The following FRMD4B variants were observed in gnomAD, a reference collection of about 807,000 sequenced individuals.
FRMD4B encodes FERM domain-containing protein 4B.
In FRMD4B, 74 loss-of-function variants were observed where a neutral mutation model predicts 141.5. The observed-to-expected ratio is 0.52, with a 90% confidence interval of 0.43 to 0.63. The LOEUF (loss-of-function observed/expected upper bound fraction) is 0.63. Among genes scored for constraint, FRMD4B ranks in the 30% least tolerant of loss-of-function variants. The probability of loss-of-function intolerance (pLI) is 0.00; values close to 1 mark genes in which losing one functional copy is unlikely to be tolerated. For missense variants in FRMD4B, 1,366 were observed against 1,253.4 expected (o/e 1.09, Z -1.36); for synonymous variants, 506 against 467.9 (o/e 1.08, Z -1.05).
chr3:69,180,576 C>G (rs1224751311), intron 21 of FRMD4B, among the ~76,000 whole-genome samples: 1 of 151,882 alleles, frequency 6.6e-6, no homozygotes, highest in Admixed American at 6.6e-5. Context: ...GCCTAGGCGA[C>G]AGAGTGAGAC....
chr3:69,417,467 T>G (rs1704888724), intron 2 of FRMD4B, among the ~76,000 whole-genome samples: 1 of 152,248 alleles, frequency 6.6e-6, no homozygotes, highest in Admixed American at 6.5e-5. Context: ...ATAGATAGAT[T>G]GCAAAATTTT....
At chr3:69,322,471 T>C (rs1702029734) in intron 1 of FRMD4B, among the ~76,000 whole-genome samples, 1 of 152,214 alleles carries the variant, frequency 6.6e-6, no homozygotes, top group Admixed American at 6.5e-5. Context: ...ATGATTCTCC[T>C]AGCTTCTAGC....
intron 7 of FRMD4B, among the ~76,000 whole-genome samples, chr3:69,236,288 G>C (rs1480853472): frequency 6.6e-6 from 1 of 151,360 alleles, no homozygotes; most frequent in African/African-American, 2.4e-5. Flanking sequence ...GAGTGCAGTG[G>C]CACAATCTCA....
At chr3:69,225,068 GA>G (rs138803362) in intron 7 of FRMD4B, among the ~76,000 whole-genome samples, 3,160 of 152,212 alleles carry the variant, frequency 0.021, 123 homozygotes, top group African/African-American at 0.073. Context: ...TGGTTATCAT[GA>G]AACCATTCAC....
At chr3:69,333,376 A>G (rs1306164579) in intron 1 of FRMD4B, among the ~76,000 whole-genome samples, 1 of 152,188 alleles carries the variant, frequency 6.6e-6, no homozygotes, top group Admixed American at 6.5e-5. Context: ...CGTGGTGCAG[A>G]CGGGGATGAA....
At chr3:69,427,887 C>A (rs1319249078) in intron 2 of FRMD4B, among the ~76,000 whole-genome samples, 1 of 151,752 alleles carries the variant, frequency 6.6e-6, no homozygotes, top group Non-Finnish European at 1.5e-5. Context: ...AACTCCTGAC[C>A]TCGAGTGATC....
At chr3:69,399,399 G>A (rs1704523270) in intron 2 of FRMD4B, among the ~76,000 whole-genome samples, 2 of 152,164 alleles carry the variant, frequency 1.3e-5, no homozygotes, top group Admixed American at 1.3e-4. Context: ...GGCAATCCTA[G>A]GCCACTGTCT....
At chr3:69,203,638 A>G (rs1349711646) in intron 11 of FRMD4B, among the ~76,000 whole-genome samples, 1 of 152,190 alleles carries the variant, frequency 6.6e-6, no homozygotes, top group Non-Finnish European at 1.5e-5. Flanking sequence ...AAGCTGCTTA[A>G]CTTTCCTGAA....
intron 1 of FRMD4B, among the ~76,000 whole-genome samples, chr3:69,433,788 G>C (rs1705216561): frequency 6.6e-6 from 1 of 152,182 alleles, no homozygotes; most frequent in Non-Finnish European, 1.5e-5. Flanking sequence ...GTTGGGCATG[G>C]ATAGTTATGG....
intron 1 of FRMD4B, chr3:69,472,561 CA>C (rs541377956): frequency 4.5e-6 from 1 of 222,396 alleles, no homozygotes; most frequent in Non-Finnish European, 9.2e-6. Context: ...GCCAATGCAC[CA>C]AAATGTTACA....
At chr3:69,278,608 T>C (rs2093629405) in intron 5 of FRMD4B, among the ~76,000 whole-genome samples, 1 of 151,424 alleles carries the variant, frequency 6.6e-6, no homozygotes, top group Non-Finnish European at 1.5e-5. Flanking sequence ...AAATTGCTTT[T>C]TTTTTTTTTG....
At chr3:69,490,730 T>A (rs1440032839) in intron 1 of FRMD4B, among the ~76,000 whole-genome samples, 2 of 152,198 alleles carry the variant, frequency 1.3e-5, no homozygotes, top group Non-Finnish European at 2.9e-5. Flanking sequence ...TGTATCTTCC[T>A]CACTAGATCA....
intron 5 of FRMD4B, among the ~76,000 whole-genome samples, chr3:69,286,454 T>C (rs544487505): frequency 1.0e-4 from 8 of 77,292 alleles, no homozygotes; most frequent in Admixed American, 7.2e-4. Context: ...GAAGGTAGAC[T>C]TGATAAGTTA....
At chr3:69,253,727 G>A (rs948877793) in intron 5 of FRMD4B, among the ~76,000 whole-genome samples, 1 of 152,116 alleles carries the variant, frequency 6.6e-6, no homozygotes, top group Non-Finnish European at 1.5e-5. Flanking sequence ...AAATGAAAAA[G>A]AAAGAAAATT....
chr3:69,496,133 T>C lies in FRMD4B; in HGVS notation c.-129+46073A>G, dbSNP rs117582907. Among the ~76,000 whole-genome samples, 749 of 152,316 alleles carry C rather than the reference T, an allele frequency of 4.9e-3. 21 individuals carry two copies. The highest frequency in any genetic ancestry group is 0.041 in the Admixed American group (633 of 15,298). ...ACCATTATTTGTAATGAAGACAAAT[T>C]AAATTTGTAAAATAGGAGTAGAAAA... On this transcript the variant is annotated intron_variant, in intron 1 of 5. Transcript: ENST00000459638.
intron 10 of FRMD4B, among the ~76,000 whole-genome samples, chr3:69,216,565 G>A (rs1332467484): frequency 6.6e-6 from 1 of 151,716 alleles, no homozygotes; most frequent in East Asian, 1.9e-4. Context: ...CTAGCAGCTG[G>A]GATTACAGGT....
chr3:69,347,014 C>T (rs1702968734), intron 1 of FRMD4B, among the ~76,000 whole-genome samples: 1 of 152,112 alleles, frequency 6.6e-6, no homozygotes, highest in African/African-American at 2.4e-5. Flanking sequence ...GCTAATTGCT[C>T]CAATTAAAAG....
intron 5 of FRMD4B, among the ~76,000 whole-genome samples, chr3:69,264,688 A>G (rs571062242): frequency 1.9e-3 from 285 of 152,368 alleles, no homozygotes; most frequent in African/African-American, 6.6e-3. Flanking sequence ...AGGAAAATAA[A>G]TAATATCTAT....
chr3:69,285,397 CA>C (rs56161837), intron 5 of FRMD4B, among the ~76,000 whole-genome samples: 365 of 98,898 alleles, frequency 3.7e-3, no homozygotes, highest in East Asian at 9.0e-3. Context: ...TACATGAGGC[CA>C]AAAAAAAAAA....
Sources: gnomAD v4.1 joint callset for allele counts (sites outside exome capture counted in the v4.1 genomes callset) on GRCh38, gnomAD v4.1.1 for gene constraint, MANE v1.5 for transcripts, NCBI Gene and HGNC (gene_info 2026-07-23, HGNC 2026-07-21) for gene names.